NRXN3: variants seen among roughly 807,000 people sequenced by gnomAD.
The protein encoded by NRXN3 is neurexin 3, also known as neurexin III.
In NRXN3, 32 loss-of-function variants were observed where a neutral mutation model predicts 137.6. The ratio of observed to expected loss-of-function variants is 0.23; its 90% CI spans 0.18 to 0.31. The LOEUF is 0.31. NRXN3 is among the 10% of genes least tolerant of loss of function. The probability of loss-of-function intolerance (pLI) is 1.00; values close to 1 mark genes in which losing one functional copy is unlikely to be tolerated. For missense variants in NRXN3, 1,574 were observed against 2,062.5 expected (o/e 0.76, Z 4.59); for synonymous variants, 798 against 784.5 (o/e 1.02, Z -0.29).
At chr14:78,584,619 A>G (rs760747380) in intron 4 of NRXN3, among the ~76,000 whole-genome samples, 6 of 152,252 alleles carry the variant, frequency 3.9e-5, no homozygotes, top group Non-Finnish European at 8.8e-5. Flanking sequence ...ATGTAGACAG[A>G]CACTGGTGAG....
Position 79,024,071 on chromosome 14 carries a change from C to A in NRXN3, c.3262+35930C>A, listed in dbSNP as rs993393081. 7.9e-5 allele frequency among the ~76,000 whole-genome samples: 12 copies of A among 152,048 alleles called. 1 individual carries two copies. Among genetic ancestry groups the A allele is most frequent in the Admixed American group, 5.2e-4 (8 of 15,254 alleles). On this transcript the variant is annotated intron_variant, in intron 15 of 20. Coordinates refer to ENST00000335750, the MANE Select transcript of NRXN3 (RefSeq NM_001330195.2). The stretch of plus-strand genomic sequence containing the variant: ...TAAAGTACAAGCAAAGTTAAACGAG[C>A]TGAAGTAGGTGAATCACTAGAACGG...
chr14:79,140,573 C>CTGTGTGTGTG (rs3035591), intron 15 of NRXN3, among the ~76,000 whole-genome samples: 1,569 of 143,884 alleles, frequency 0.011, 22 homozygotes, highest in African/African-American at 0.027. Context: ...CCCCACCTCA[C>CTGTGTGTGTG]TGTGTGTGTG....
intron 15 of NRXN3, among the ~76,000 whole-genome samples, chr14:79,041,229 G>T (rs1283439694): frequency 6.6e-6 from 1 of 152,112 alleles, no homozygotes; most frequent in Non-Finnish European, 1.5e-5. Context: ...AGTTTTTTGG[G>T]TTGCTAAGTG....
At chr14:79,409,083 T>G (rs2095366913) in intron 15 of NRXN3, among the ~76,000 whole-genome samples, 1 of 152,094 alleles carries the variant, frequency 6.6e-6, no homozygotes, top group South Asian at 2.1e-4. Context: ...CTCAACTGAA[T>G]CCAAGTAGGA....
intron 15 of NRXN3, among the ~76,000 whole-genome samples, chr14:79,016,765 A>C (rs1384763257): frequency 6.6e-6 from 1 of 152,154 alleles, no homozygotes. Flanking sequence ...AATTAATAGC[A>C]TTTCTTCTTA....
rs371745127 is a variant in NRXN3 at position 79,657,356 on chromosome 14, A to ACTT, written c.3445-6420_3445-6418dup. Among the ~76,000 whole-genome samples the ACTT allele has an allele frequency of 2.2e-3, 339 of 152,202 alleles. 1 individual carries two copies. Among genetic ancestry groups the ACTT allele is most frequent in the African/African-American group, 6.6e-3 (273 of 41,530 alleles). On this transcript the variant is annotated intron_variant, in intron 16 of 20. Coordinates refer to ENST00000335750, the MANE Select transcript of NRXN3 (RefSeq NM_001330195.2). ...CCCCTGCTTTTCCTGCCACAGCCAC[A>ACTT]CTTCAGCTTCTCAAGGGGAGGGGAC...
At chr14:79,502,204 T>A (rs1174838252) in intron 16 of NRXN3, among the ~76,000 whole-genome samples, 6 of 152,194 alleles carry the variant, frequency 3.9e-5, no homozygotes, top group Non-Finnish European at 7.3e-5. Flanking sequence ...AAGCAAGCTA[T>A]CTTTTCTAAT....
intron 4 of NRXN3, among the ~76,000 whole-genome samples, chr14:78,421,659 A>T (rs2093451351): frequency 6.6e-6 from 1 of 152,122 alleles, no homozygotes; most frequent in African/African-American, 2.4e-5. Context: ...ATCTCTGGAT[A>T]TAAGGTAATT....
chr14:78,546,996 T>A (rs1187454568), intron 4 of NRXN3, among the ~76,000 whole-genome samples: 1 of 152,178 alleles, frequency 6.6e-6, no homozygotes, highest in Non-Finnish European at 1.5e-5. Context: ...AGGCCAGGAC[T>A]ATTTATGAAA....
chr14:79,432,231 T>C (rs751032919), intron 15 of NRXN3, among the ~76,000 whole-genome samples: 1 of 152,164 alleles, frequency 6.6e-6, no homozygotes, highest in Non-Finnish European at 1.5e-5. Flanking sequence ...ATTTTTATAT[T>C]TCCATACTTT....
rs770390421 is a variant in NRXN3 at position 78,624,457 on chromosome 14, C to T, written c.758-20663C>T. ...GAGATGGAAAAAGTTGTGCAGTGAACAGTTTCCCTGAGAGCTGGCATGGCA... is the reference window on the plus strand; with the variant it reads ...GAGATGGAAAAAGTTGTGCAGTGAATAGTTTCCCTGAGAGCTGGCATGGCA... On this transcript the variant is annotated intron_variant, in intron 4 of 20. Coordinates refer to ENST00000335750, the MANE Select transcript of NRXN3 (RefSeq NM_001330195.2). 1.1e-3 allele frequency among the ~76,000 whole-genome samples: 169 copies of T among 152,230 alleles called. 2 individuals carry two copies. The highest frequency in any genetic ancestry group is 3.4e-3 in the Admixed American group (52 of 15,288).
At chr14:78,476,379 T>A (rs372571570) in intron 4 of NRXN3, among the ~76,000 whole-genome samples, 7 of 152,178 alleles carry the variant, frequency 4.6e-5, no homozygotes, top group African/African-American at 1.7e-4. Context: ...GAAATCTGAA[T>A]GACAAAGAGG....
chr14:78,693,565 A>T (rs1419357440), intron 6 of NRXN3, among the ~76,000 whole-genome samples: 1 of 151,318 alleles, frequency 6.6e-6, no homozygotes, highest in Non-Finnish European at 1.5e-5. Context: ...CACACATATC[A>T]TCCCCAAGCC....
At chr14:79,550,663 CA>C (rs896333225) in intron 16 of NRXN3, among the ~76,000 whole-genome samples, 19 of 152,008 alleles carry the variant, frequency 1.2e-4, no homozygotes, top group African/African-American at 4.6e-4. Context: ...AAAGGCCAGC[CA>C]AGGAAGGAAG....
At chr14:78,495,877 G>T (rs2095772529) in intron 4 of NRXN3, among the ~76,000 whole-genome samples, 1 of 152,168 alleles carries the variant, frequency 6.6e-6, no homozygotes, top group Non-Finnish European at 1.5e-5. Flanking sequence ...TTGCTAAAAT[G>T]ACAAATCAGT....
At chr14:79,048,043 CA>C (rs2099635613) in intron 15 of NRXN3, among the ~76,000 whole-genome samples, 1 of 151,800 alleles carries the variant, frequency 6.6e-6, no homozygotes, top group Admixed American at 6.6e-5. Flanking sequence ...TATGGATAAA[CA>C]AAACACAGTA....
intron 4 of NRXN3, among the ~76,000 whole-genome samples, chr14:78,504,553 C>T (rs2095944346): frequency 6.6e-6 from 1 of 151,970 alleles, no homozygotes; most frequent in Non-Finnish European, 1.5e-5. Flanking sequence ...GGGGAAGGGG[C>T]CTCAGGAACT....
chr14:78,803,790 G>T lies in NRXN3; in HGVS notation c.2215G>T (p.Asp739Tyr). 1 of 1,614,004 alleles carries T rather than the reference G, an allele frequency of 6.2e-7. No homozygotes were observed. Among genetic ancestry groups the T allele is most frequent in the East Asian group, 2.2e-5 (1 of 44,854 alleles). The change falls in exon 9 of 21, where the codon GAT (aspartate) becomes TAT (tyrosine). Residue 739 changes from aspartate to tyrosine, a missense_variant. Asp to Tyr is a radical substitution (Grantham distance 160). Coordinates refer to ENST00000335750, the MANE Select transcript of NRXN3 (RefSeq NM_001330195.2). Reference protein sequence around the residue: ...DSADTLRLELDGGRVKLMVNL... With the variant: ...DSADTLRLELYGGRVKLMVNL... ...TGCCGACACCCTGCGTCTGGAGCTG[G>T]ATGGGGGGCGTGTCAAGCTCATGGT...
chr14:78,447,313 A>T (rs933727014), intron 4 of NRXN3, among the ~76,000 whole-genome samples: 2 of 152,240 alleles, frequency 1.3e-5, no homozygotes, highest in Non-Finnish European at 2.9e-5. Context: ...TTATGCTGCA[A>T]TTGCCTCTCA....
Sources: gnomAD v4.1 joint callset for allele counts (sites outside exome capture counted in the v4.1 genomes callset) on GRCh38, gnomAD v4.1.1 for gene constraint, MANE v1.5 for transcripts, NCBI Gene and HGNC (gene_info 2026-07-23, HGNC 2026-07-21) for gene names.